THSD4: variants seen among roughly 807,000 people sequenced by gnomAD.
THSD4 encodes thrombospondin type-1 domain-containing protein 4.
In THSD4, 69 loss-of-function variants were observed where a neutral mutation model predicts 119.0. The observed-to-expected ratio is 0.58, with a 90% CI of 0.48 to 0.71. The LOEUF is 0.71. Among genes scored for constraint, THSD4 ranks in the 30% least tolerant of loss-of-function variants. THSD4 has a pLI of 0.00. For synonymous variants in THSD4, 524 were observed against 540.4 expected (o/e 0.97, Z 0.42); for missense variants, 1,393 against 1,391.1 (o/e 1.00, Z -0.02).
intron 7 of THSD4, among the ~76,000 whole-genome samples, chr15:71,480,269 C>T (rs533050719): frequency 1.3e-5 from 2 of 152,314 alleles, no homozygotes; most frequent in East Asian, 3.9e-4. Flanking sequence ...AACTCCTGAG[C>T]TCAAGCGATC....
At chr15:71,408,253 A>G (rs1400291419) in intron 6 of THSD4, among the ~76,000 whole-genome samples, 1 of 152,016 alleles carries the variant, frequency 6.6e-6, no homozygotes, top group East Asian at 1.9e-4. Flanking sequence ...TTGAAATGGG[A>G]TCTTGCTCTT....
chr15:71,186,377 C>T (rs1002166782), intron 3 of THSD4: 6 of 152,262 alleles, frequency 3.9e-5, no homozygotes, highest in Admixed American at 6.5e-5. Context: ...ACTGTGTGAC[C>T]TGTTGTCATG....
chr15:71,442,630 G>A (rs1423727278), intron 7 of THSD4, among the ~76,000 whole-genome samples: 10 of 30,124 alleles, frequency 3.3e-4, no homozygotes, highest in South Asian at 2.0e-3. Flanking sequence ...ATATATATAT[G>A]TATGTGTGTG....
chr15:71,388,380 A>G (rs60070662), intron 6 of THSD4, among the ~76,000 whole-genome samples: 2,304 of 152,290 alleles, frequency 0.015, 68 homozygotes, highest in African/African-American at 0.053. Context: ...GAACACAGCA[A>G]CTTTCATGCA....
Position 71,108,778 on chromosome 15 carries a change from T to A in THSD4, c.-80+11772T>A, listed in dbSNP as rs369454471. On this transcript the variant is annotated intron_variant, in intron 1 of 17. Transcript: ENST00000355327. Reference sequence around the variant, plus strand: ...AGGCTGAGGCAGGCAGATCATGAGGTCAAGCGATGGAGACCATCCTGGCCA... The same window carrying A: ...AGGCTGAGGCAGGCAGATCATGAGGACAAGCGATGGAGACCATCCTGGCCA... Among the ~76,000 whole-genome samples, 59 of 152,212 alleles carry A rather than the reference T, an allele frequency of 3.9e-4. 2 individuals carry two copies. In the South Asian group the frequency reaches 0.011, roughly 29 times the overall value.
At chr15:71,676,281 A>G (rs1567095291) in intron 8 of THSD4, among the ~76,000 whole-genome samples, 1 of 151,868 alleles carries the variant, frequency 6.6e-6, no homozygotes, top group African/African-American at 2.4e-5. Context: ...ACCACGATCC[A>G]TTTTCAGAAT....
chr15:71,697,221 GAAAC>G (rs1454667634), intron 8 of THSD4, among the ~76,000 whole-genome samples: 14 of 152,208 alleles, frequency 9.2e-5, no homozygotes, highest in Admixed American at 7.9e-4. Context: ...AGCTTAGAAA[GAAAC>G]AAATCAGAAA....
intron 1 of THSD4, among the ~76,000 whole-genome samples, chr15:71,099,035 T>A (rs2040243279): frequency 6.6e-6 from 1 of 152,128 alleles, no homozygotes; most frequent in South Asian, 2.1e-4. Flanking sequence ...ACCTTTTCAT[T>A]TCAGTTTGCA....
At chr15:71,216,380 C>T (rs1596273960) in intron 4 of THSD4, among the ~76,000 whole-genome samples, 1 of 152,226 alleles carries the variant, frequency 6.6e-6, no homozygotes, top group Non-Finnish European at 1.5e-5. Flanking sequence ...CCCTTTGCCA[C>T]GGTGGCCACT....
At chr15:71,467,839 A>G (rs2047521062) in intron 7 of THSD4, among the ~76,000 whole-genome samples, 1 of 118,298 alleles carries the variant, frequency 8.5e-6, no homozygotes, top group Non-Finnish European at 1.7e-5. Flanking sequence ...CTCAGGAGAT[A>G]TGATGGTTTT....
chr15:71,332,329 A>G lies in THSD4; in HGVS notation c.1015+75614A>G, dbSNP rs116827492. On this transcript the variant is annotated intron_variant, in intron 6 of 17. Coordinates refer to ENST00000261862, the MANE Select transcript of THSD4 (RefSeq NM_024817.3). ...ATTGATTCTCATGGGTACCACAAAT[A>G]CCTACACTGCCAGACGGCTATAAGG... 8.4e-3 allele frequency among the ~76,000 whole-genome samples: 1,284 copies of G among 152,286 alleles called. 15 individuals carry two copies. The highest frequency in any genetic ancestry group is 0.029 in the African/African-American group (1,224 of 41,556).
rs190156119 is a variant in THSD4 at position 71,552,057 on chromosome 15, G to A, written c.1153-108473G>A. 8.5e-3 allele frequency among the ~76,000 whole-genome samples: 1,297 copies of A among 152,106 alleles called. 19 individuals carry two copies. Among genetic ancestry groups the A allele is most frequent in the Non-Finnish European group, 0.013 (912 of 67,976 alleles). The stretch of plus-strand genomic sequence containing the variant: ...GTAAGCACTTTAAGTGGGAAAAGAG[G>A]GGGAGCATTCCAGGCAGAGGGAAAA... On this transcript the variant is annotated intron_variant, in intron 7 of 17. Coordinates refer to ENST00000261862, the MANE Select transcript of THSD4 (RefSeq NM_024817.3).
chr15:71,411,959 G>A, intron 7 of THSD4, 136 bp downstream of exon 7: 2 of 1,191,652 alleles, frequency 1.7e-6, no homozygotes. Context: ...CGCTCTGGGA[G>A]GAGTGGGCTG....
At chr15:71,114,206 T>A (rs7178344), upstream of THSD4, among the ~76,000 whole-genome samples, 27,270 of 152,008 alleles carry the variant, frequency 0.18, 2,738 homozygotes, top group African/African-American at 0.27. Flanking sequence ...TTGAGTAGCC[T>A]CTTTCCCTTT....
chr15:71,436,197 C>A (rs1178576614), intron 7 of THSD4, among the ~76,000 whole-genome samples: 3 of 152,138 alleles, frequency 2.0e-5, no homozygotes, highest in Non-Finnish European at 4.4e-5. Context: ...GAGATCAGCT[C>A]AGACAATGGG....
chr15:71,777,762 A>C lies in THSD4; in HGVS notation c.*388A>C. 1 of 238,940 alleles carries C rather than the reference A, an allele frequency of 4.2e-6. No individual in the cohort carries two copies. Among genetic ancestry groups the C allele is most frequent in the Non-Finnish European group, 8.4e-6 (1 of 118,620 alleles). 14.8% of individuals were successfully genotyped at this position (238,940 alleles called of 1,614,324 possible). The stretch of plus-strand genomic sequence containing the variant: ...TCCCTGGTGCTACTGGTCTTTCTAA[A>C]CTTAGCACCCTGGAGAGTCCAAGGA... On this transcript the variant is annotated 3_prime_UTR_variant, in exon 18 of 18. Coordinates refer to ENST00000261862, the MANE Select transcript of THSD4 (RefSeq NM_024817.3).
chr15:71,382,704 C>T (rs1195324874), intron 6 of THSD4, among the ~76,000 whole-genome samples: 1 of 152,076 alleles, frequency 6.6e-6, no homozygotes, highest in African/African-American at 2.4e-5. Context: ...AAACTATTAA[C>T]TTTAATTTCT....
intron 3 of THSD4, among the ~76,000 whole-genome samples, chr15:71,205,424 G>A (rs12595172): frequency 0.095 from 14,497 of 152,148 alleles, 873 homozygotes; most frequent in East Asian, 0.18. Context: ...TAGCTGCTGG[G>A]TGGCTGCATG....
chr15:71,581,448 T>G (rs2049556699), intron 7 of THSD4, among the ~76,000 whole-genome samples: 1 of 152,184 alleles, frequency 6.6e-6, no homozygotes, highest in African/African-American at 2.4e-5. Context: ...TATCAGGATA[T>G]ATGTTTTGCA....
Sources: gnomAD v4.1 joint callset for allele counts (sites outside exome capture counted in the v4.1 genomes callset) on GRCh38, gnomAD v4.1.1 for gene constraint, MANE v1.5 for transcripts, NCBI Gene and HGNC (gene_info 2026-07-23, HGNC 2026-07-21) for gene names.